Variants in ARHGAP32 observed in about 807,000 individuals in gnomAD.
ARHGAP32 encodes the protein Rho GTPase activating protein 32.
A neutral mutation model predicts 186.5 loss-of-function variants in ARHGAP32; 51 were observed. The ratio of observed to expected loss-of-function variants is 0.27; its 90% CI spans 0.22 to 0.35. The LOEUF (loss-of-function observed/expected upper bound fraction) is 0.35, where lower values mean the gene tolerates loss of function less well. ARHGAP32 is among the 10% of genes least tolerant of loss of function. ARHGAP32 has a pLI of 1.00. For synonymous variants in ARHGAP32, 950 were observed against 964.3 expected (o/e 0.99, Z 0.27); for missense variants, 2,186 against 2,623.5 (o/e 0.83, Z 3.64).
intron 12 of ARHGAP32, among the ~76,000 whole-genome samples, chr11:128,992,314 T>A (rs1288186487): frequency 6.6e-6 from 1 of 152,156 alleles, no homozygotes; most frequent in African/African-American, 2.4e-5. Flanking sequence ...TTTGTTTTAG[T>A]GATCTCAATT....
At chr11:129,232,103 C>T (rs1422194955) in intron 1 of ARHGAP32, among the ~76,000 whole-genome samples, 1 of 146,230 alleles carries the variant, frequency 6.8e-6, no homozygotes, top group African/African-American at 2.5e-5. Context: ...GTTCCCATTT[C>T]TTCCTTCCCA....
chr11:129,111,989 C>G (rs1190760322), intron 5 of ARHGAP32, among the ~76,000 whole-genome samples: 1 of 152,138 alleles, frequency 6.6e-6, no homozygotes, highest in Non-Finnish European at 1.5e-5. Context: ...CTCAAAACTC[C>G]TGGCCTGAAG....
chr11:128,983,823 T>G (rs996327261), intron 15 of ARHGAP32, among the ~76,000 whole-genome samples: 2 of 152,152 alleles, frequency 1.3e-5, no homozygotes, highest in African/African-American at 4.8e-5. Flanking sequence ...GGTTTGCCTA[T>G]CTGATTATAA....
At chr11:128,995,148 A>C (rs1946163001) in intron 12 of ARHGAP32, among the ~76,000 whole-genome samples, 2 of 152,124 alleles carry the variant, frequency 1.3e-5, no homozygotes, top group African/African-American at 2.4e-5. Context: ...AGACTTTCAA[A>C]AGTTGTATCT....
At chr11:128,999,769 T>A (rs557195873) in intron 11 of ARHGAP32, among the ~76,000 whole-genome samples, 1 of 152,112 alleles carries the variant, frequency 6.6e-6, no homozygotes, top group Non-Finnish European at 1.5e-5. Context: ...CCTTACCTTA[T>A]GAGACTGTCA....
At chr11:129,094,467 A>G (rs1941672379) in intron 5 of ARHGAP32, among the ~76,000 whole-genome samples, 1 of 152,218 alleles carries the variant, frequency 6.6e-6, no homozygotes, top group Non-Finnish European at 1.5e-5. Context: ...GTAGAAGCTA[A>G]GAGGTTTCAT....
chr11:129,193,685 T>C (rs1342153599), upstream of ARHGAP32, among the ~76,000 whole-genome samples: 1 of 35,412 alleles, frequency 2.8e-5, no homozygotes, highest in African/African-American at 1.0e-4. Context: ...ATATATAATA[T>C]ATATTATATA....
chr11:129,067,039 T>C (rs1940717201), intron 6 of ARHGAP32, among the ~76,000 whole-genome samples, 171 bp from the exon 7 acceptor site: 1 of 152,034 alleles, frequency 6.6e-6, no homozygotes, highest in Non-Finnish European at 1.5e-5. Flanking sequence ...TAATAAGTTA[T>C]ATTACATTAA....
chr11:129,273,943 T>C (rs1260010411), intron 1 of ARHGAP32, among the ~76,000 whole-genome samples: 1 of 150,470 alleles, frequency 6.6e-6, no homozygotes, highest in Non-Finnish European at 1.5e-5. Context: ...GCTTTCCATC[T>C]CCACAGCCTC....
chr11:129,193,655 TAC>T (rs1167492526), upstream of ARHGAP32, among the ~76,000 whole-genome samples: 34 of 68,072 alleles, frequency 5.0e-4, no homozygotes, highest in African/African-American at 1.5e-3. Context: ...ATAATACATA[TAC>T]AATATATATT....
intron 2 of ARHGAP32, among the ~76,000 whole-genome samples, chr11:129,145,519 GT>G (rs1234598877): frequency 2.0e-5 from 3 of 152,002 alleles, no homozygotes; most frequent in Middle Eastern, 3.4e-3. Context: ...GTTTCATGTA[GT>G]TTTTTCCTTG....
At chr11:128,983,131 C>T (rs1007761511) in intron 15 of ARHGAP32, among the ~76,000 whole-genome samples, 3 of 152,108 alleles carry the variant, frequency 2.0e-5, no homozygotes, top group Non-Finnish European at 4.4e-5. Flanking sequence ...CTAACAAGCA[C>T]AGAATTACCA....
At chr11:129,216,227 G>T (rs1944642953) in intron 1 of ARHGAP32, among the ~76,000 whole-genome samples, 1 of 152,042 alleles carries the variant, frequency 6.6e-6, no homozygotes, top group African/African-American at 2.4e-5. Context: ...TAACATACAG[G>T]TTCCAGGGAT....
chr11:129,057,701 TAAAA>T (rs34991638), intron 10 of ARHGAP32, among the ~76,000 whole-genome samples: 1 of 130,216 alleles, frequency 7.7e-6, no homozygotes, highest in Non-Finnish European at 1.7e-5. Flanking sequence ...TAGCGTTTGA[TAAAA>T]AAAAAAAAAA....
chr11:129,155,904 G>C (rs1008744152), intron 2 of ARHGAP32, among the ~76,000 whole-genome samples: 19 of 152,188 alleles, frequency 1.2e-4, no homozygotes, highest in African/African-American at 4.6e-4. Context: ...TGATTAGACA[G>C]TGAGTGCAGC....
At chr11:129,248,820 G>A (rs185443558) in intron 1 of ARHGAP32, among the ~76,000 whole-genome samples, 1 of 152,044 alleles carries the variant, frequency 6.6e-6, no homozygotes, top group Admixed American at 6.6e-5. Context: ...GTTTTTTTCT[G>A]CTGTATTTGC....
chr11:129,060,345 AT>A (rs1234361094), intron 10 of ARHGAP32, among the ~76,000 whole-genome samples: 403 of 98,720 alleles, frequency 4.1e-3, no homozygotes, highest in African/African-American at 0.012. Flanking sequence ...ACATAGATAG[AT>A]AGATAGATAG....
Position 129,064,025 on chromosome 11 carries a change from CT to C in ARHGAP32, c.763-2del. 1 of 1,604,980 alleles carries C rather than the reference CT, an allele frequency of 6.2e-7. No homozygotes were observed. The highest frequency in any genetic ancestry group is 8.5e-7 in the Non-Finnish European group (1 of 1,176,842). Reference sequence around the variant, plus strand: ...AAAGGTGATTTCCCTTATTATCAATCTATCACAAAGAAAATGTACTATGAGA... The same window carrying C: ...AAAGGTGATTTCCCTTATTATCAATCATCACAAAGAAAATGTACTATGAGA... On this transcript the variant is annotated splice_acceptor_variant, in intron 8 of 22. Transcript: ENST00000682385. LOFTEE classifies it high-confidence loss of function.
At chr11:129,261,966 C>T (rs1325741656) in intron 1 of ARHGAP32, among the ~76,000 whole-genome samples, 2 of 152,074 alleles carry the variant, frequency 1.3e-5, no homozygotes, top group Non-Finnish European at 2.9e-5. Flanking sequence ...TTATGTTTAG[C>T]GATTACCATA....
Sources: allele counts gnomAD v4.1 joint callset (sites outside exome capture counted in the v4.1 genomes callset), GRCh38; gene constraint gnomAD v4.1.1; transcripts MANE v1.5; gene names NCBI Gene and HGNC (gene_info 2026-07-23, HGNC 2026-07-21).